Variants in SLC75A1 observed in about 807,000 individuals in gnomAD.
The protein encoded by SLC75A1 is major facilitator superfamily domain containing 10.
At chr4:2,933,325 C>T in the SLC75A1 span, 1 of 1,097,506 alleles carries the variant, frequency 9.1e-7, no homozygotes, top group Non-Finnish European at 1.3e-6. Context: ...GGGCCCTACA[C>T]TCACAGGCCA....
At chr4:2,934,753 C>G in the SLC75A1 span, 1 of 145,816 alleles carries the variant, frequency 6.9e-6, no homozygotes, top group Non-Finnish European at 1.5e-5. Context: ...CGGGCGCCCC[C>G]GGTCCCGCCC....
At chr4:2,933,571 G>A in the SLC75A1 span, 16 of 1,613,728 alleles carry the variant, frequency 9.9e-6, no homozygotes, top group South Asian at 4.4e-5. Flanking sequence ...CCATACCTCC[G>A]AACAGGACAC....
the SLC75A1 span, chr4:2,932,811 G>T: frequency 6.6e-7 from 1 of 1,522,734 alleles, no homozygotes. Flanking sequence ...GGCCAGGAGT[G>T]GCTCAGAGTA....
the SLC75A1 span, chr4:2,930,872 A>G: frequency 6.2e-7 from 1 of 1,613,084 alleles, no homozygotes; most frequent in Non-Finnish European, 8.5e-7. Flanking sequence ...CGGGTAACTC[A>G]GCTTCTGCAG....
the SLC75A1 span, chr4:2,933,258 T>C: frequency 6.4e-7 from 1 of 1,559,508 alleles, no homozygotes; most frequent in South Asian, 1.1e-5. Context: ...CCATGAGCTG[T>C]GGTCTTGGGG....
chr4:2,934,126 C>T, the SLC75A1 span: 1 of 620,166 alleles, frequency 1.6e-6, no homozygotes, highest in Non-Finnish European at 2.8e-6. Context: ...CAGCAGGAAA[C>T]GCAGGCTTCG....
At chr4:2,930,662 G>C in the SLC75A1 span, 1 of 645,124 alleles carries the variant, frequency 1.6e-6, no homozygotes, top group Admixed American at 3.0e-5. Flanking sequence ...CTGCAGCTCG[G>C]AGTCACTGAA....
the SLC75A1 span, chr4:2,933,665 T>C: frequency 6.2e-7 from 1 of 1,613,400 alleles, no homozygotes; most frequent in Non-Finnish European, 8.5e-7. Flanking sequence ...GAGGGGGTCC[T>C]AGGGGATGAG....
chr4:2,932,601 A>G, the SLC75A1 span: 17 of 1,613,146 alleles, frequency 1.1e-5, no homozygotes, highest in Non-Finnish European at 1.7e-6. Flanking sequence ...TGCACTTACC[A>G]TGCCTTGACT....
the SLC75A1 span, chr4:2,932,735 T>A: frequency 6.3e-7 from 1 of 1,584,238 alleles, no homozygotes; most frequent in Non-Finnish European, 8.6e-7. Flanking sequence ...TGGCCCAGAC[T>A]GCATATGAGG....
At chr4:2,931,610 T>G in the SLC75A1 span, 1 of 1,613,572 alleles carries the variant, frequency 6.2e-7, no homozygotes, top group Non-Finnish European at 8.5e-7. Context: ...ATAGGCACCC[T>G]GGATGGTGGC....
chr4:2,932,508 A>C, the SLC75A1 span: 1 of 1,613,452 alleles, frequency 6.2e-7, no homozygotes, highest in Non-Finnish European at 8.5e-7. Context: ...CACCCCAATG[A>C]CCGCCTAGGG....
At chr4:2,932,025 TG>T in the SLC75A1 span, 1 of 1,609,196 alleles carries the variant, frequency 6.2e-7, no homozygotes, top group South Asian at 1.1e-5. Flanking sequence ...GCTCCACGCT[TG>T]GGTTGGTCGA....
chr4:2,932,617 C>T, the SLC75A1 span: 1 of 1,613,148 alleles, frequency 6.2e-7, no homozygotes. Context: ...TGACTGCGGG[C>T]CAGAGGCGAG....
chr4:2,931,115 G>T, the SLC75A1 span: 1 of 1,585,916 alleles, frequency 6.3e-7, no homozygotes, highest in Non-Finnish European at 8.6e-7. Flanking sequence ...AGGCTGCGCA[G>T]TGTACCCATG....
the SLC75A1 span, chr4:2,930,710 G>T: frequency 9.6e-7 from 1 of 1,043,740 alleles, no homozygotes; most frequent in East Asian, 2.6e-5. Context: ...TGAGCTTCCT[G>T]CTTAGGGGCC....
the SLC75A1 span, chr4:2,930,819 C>T: frequency 1.4e-3 from 2,287 of 1,611,908 alleles, 4 homozygotes; most frequent in Middle Eastern, 3.0e-3. Context: ...GTGCCCACAG[C>T]CTGGGCACAG....
the SLC75A1 span, chr4:2,930,628 A>G: frequency 1.3e-5 from 8 of 598,060 alleles, no homozygotes; most frequent in African/African-American, 1.5e-4. Context: ...AAAAACAAAC[A>G]GAAGCCCTGA....
At chr4:2,931,988 CGCCCGGGGAA>C in the SLC75A1 span, 4 of 1,602,028 alleles carry the variant, frequency 2.5e-6, no homozygotes, top group East Asian at 4.5e-5. Flanking sequence ...GGAAGGGCGC[CGCCCGGGGAA>C]GCCCAGGGGA....
Sources: allele counts gnomAD v4.1 joint callset, GRCh38; gene constraint gnomAD v4.1.1; transcripts MANE v1.5; gene names NCBI Gene and HGNC (gene_info 2026-07-23, HGNC 2026-07-21).